The following PRKN variants were observed in gnomAD, a reference collection of about 807,000 sequenced individuals.
PRKN encodes the protein E3 ubiquitin-protein ligase parkin.
In PRKN, 56 loss-of-function variants were observed where a neutral mutation model predicts 59.5. The ratio of observed to expected loss-of-function variants is 0.94; its 90% CI spans 0.76 to 1.18. The LOEUF is 1.18. Ranked by LOEUF, PRKN falls within the 50% of genes most tolerant of loss-of-function variation. The pLI is 0.00. For missense variants in PRKN, 657 were observed against 596.4 expected (o/e 1.10, Z -1.06); for synonymous variants, 250 against 222.1 (o/e 1.13, Z -1.12).
intron 1 of PRKN, among the ~76,000 whole-genome samples, chr6:162,495,046 T>C (rs1426784320): frequency 1.3e-5 from 2 of 152,152 alleles, no homozygotes; most frequent in Non-Finnish European, 2.9e-5. Context: ...ATCATTTTAA[T>C]GGTGGAGTTT....
intron 6 of PRKN, among the ~76,000 whole-genome samples, chr6:161,906,682 A>ATATATATATATATATATATATATATATT (rs1562381695): frequency 4.8e-5 from 7 of 147,078 alleles, no homozygotes; most frequent in Admixed American, 1.3e-4. Flanking sequence ...ATATGTATAT[A>ATATATATATATATATATATATATATATT]TGAGTTTATT....
At chr6:162,578,356 T>C (rs1409383213) in intron 1 of PRKN, among the ~76,000 whole-genome samples, 1 of 152,218 alleles carries the variant, frequency 6.6e-6, no homozygotes, top group Non-Finnish European at 1.5e-5. Flanking sequence ...TGTGCATATA[T>C]GCGCATGCCT....
chr6:162,449,977 C>T (rs74444280), intron 1 of PRKN, among the ~76,000 whole-genome samples: 18,097 of 152,216 alleles, frequency 0.12, 1,132 homozygotes, highest in African/African-American at 0.14. Flanking sequence ...CAGGTGCAGT[C>T]CGTGCACATG....
rs574342400 is a variant in PRKN at position 161,919,464 on chromosome 6, C to T, written c.734+53838G>A. On this transcript the variant is annotated intron_variant, in intron 6 of 11. Coordinates refer to ENST00000366898, the MANE Select transcript of PRKN (RefSeq NM_004562.3). ...ATTATAAATGTGTATTAGAAATGATCGAACTGGACATATACCTGGAGGATT... is the reference window on the plus strand; with the variant it reads ...ATTATAAATGTGTATTAGAAATGATTGAACTGGACATATACCTGGAGGATT... 2.6e-5 allele frequency among the ~76,000 whole-genome samples: 4 copies of T among 152,216 alleles called. No homozygotes were observed. The South Asian group carries it at 6.2e-4, about 24-fold the overall frequency.
chr6:162,346,590 T>TA (rs1489328467), intron 2 of PRKN, among the ~76,000 whole-genome samples: 3 of 152,052 alleles, frequency 2.0e-5, no homozygotes, highest in Non-Finnish European at 4.4e-5. Flanking sequence ...CACTGTACTC[T>TA]AGCCTGGGTG....
At chr6:161,837,942 C>G (rs1792830008) in intron 6 of PRKN, among the ~76,000 whole-genome samples, 1 of 152,088 alleles carries the variant, frequency 6.6e-6, no homozygotes, top group Non-Finnish European at 1.5e-5. Context: ...GCTGCTGAAT[C>G]ATAGGAAGGA....
At chr6:161,919,113 C>T (rs1004256256) in intron 6 of PRKN, among the ~76,000 whole-genome samples, 3 of 152,266 alleles carry the variant, frequency 2.0e-5, no homozygotes, top group Non-Finnish European at 2.9e-5. Context: ...ACAATAACAA[C>T]GCAAATGTCC....
intron 7 of PRKN, among the ~76,000 whole-genome samples, chr6:161,657,426 A>G (rs1784389013): frequency 6.6e-6 from 1 of 152,048 alleles, no homozygotes; most frequent in Admixed American, 6.5e-5. Flanking sequence ...CCTGCTCCAC[A>G]TCTCTGGAAG....
intron 1 of PRKN, among the ~76,000 whole-genome samples, chr6:162,546,159 A>C (rs1779110815): frequency 7.4e-6 from 1 of 134,762 alleles, no homozygotes; most frequent in Non-Finnish European, 1.5e-5. Flanking sequence ...GCTGGAGTGC[A>C]GTGGCGTGAT....
intron 4 of PRKN, among the ~76,000 whole-genome samples, chr6:162,061,798 T>TA (rs1778117027): frequency 6.6e-6 from 1 of 152,282 alleles, no homozygotes; most frequent in Middle Eastern, 3.4e-3. Flanking sequence ...ACTGCAGTTA[T>TA]AAAAAAGGGA....
chr6:162,331,061 G>C (rs1783549287), intron 2 of PRKN, among the ~76,000 whole-genome samples: 2 of 152,016 alleles, frequency 1.3e-5, no homozygotes, highest in South Asian at 4.1e-4. Flanking sequence ...GGGCACACTG[G>C]CTCACACCTG....
intron 4 of PRKN, among the ~76,000 whole-genome samples, chr6:162,168,257 T>A (rs1783078979): frequency 6.6e-6 from 1 of 152,178 alleles, no homozygotes; most frequent in Admixed American, 6.5e-5. Flanking sequence ...AAGCAAGTGA[T>A]AATGCTTTAT....
At chr6:161,494,159 G>T (rs567497601) in intron 9 of PRKN, among the ~76,000 whole-genome samples, 2 of 152,074 alleles carry the variant, frequency 1.3e-5, no homozygotes, top group South Asian at 4.2e-4. Context: ...TAATTATTTG[G>T]CAGCTTTTAA....
Position 161,399,902 on chromosome 6 carries a change from A to G in PRKN, c.1084-13025T>C, listed in dbSNP as rs1354917100. 6.6e-6 allele frequency among the ~76,000 whole-genome samples: 1 copy of G among 152,220 alleles called. No individual in the cohort carries two copies. The highest frequency in any genetic ancestry group is 1.5e-5 in the Non-Finnish European group (1 of 68,026). On this transcript the variant is annotated intron_variant, in intron 9 of 11. Coordinates refer to ENST00000366898, the MANE Select transcript of PRKN (RefSeq NM_004562.3). This position sits in a 1 kb window ranked among gnomAD's most constrained non-coding sequence, Gnocchi z 4.4. ...AAAGAAACAAGTAAAATTAATTTCAATATTTTACTTAACTAAATATATTCA... is the reference window on the plus strand; with the variant it reads ...AAAGAAACAAGTAAAATTAATTTCAGTATTTTACTTAACTAAATATATTCA...
At chr6:161,986,488 G>C (rs1455759077) in intron 5 of PRKN, among the ~76,000 whole-genome samples, 10 of 66,316 alleles carry the variant, frequency 1.5e-4, no homozygotes, top group Admixed American at 2.6e-4. Flanking sequence ...AGTCTGCAGT[G>C]TCCTTTTTTT....
Position 161,390,532 on chromosome 6 carries a change from A to G in PRKN, c.1084-3655T>C, listed in dbSNP as rs932795492. Among the ~76,000 whole-genome samples, 1 of 152,208 alleles carries G rather than the reference A, an allele frequency of 6.6e-6. No homozygotes were observed. Among genetic ancestry groups the G allele is most frequent in the Non-Finnish European group, 1.5e-5 (1 of 68,044 alleles). ...GAGACAGAGTCTTGCTCTGTTGCCC[A>G]GGCTGGAGTGCAGTGGCACCATCTC... On this transcript the variant is annotated intron_variant, in intron 9 of 11. Transcript: ENST00000366898. This position sits in a 1 kb window ranked among gnomAD's most constrained non-coding sequence, Gnocchi z 7.0.
At chr6:161,651,947 T>C (rs1453707776) in intron 7 of PRKN, among the ~76,000 whole-genome samples, 1 of 152,248 alleles carries the variant, frequency 6.6e-6, no homozygotes, top group Non-Finnish European at 1.5e-5. Flanking sequence ...AAAACATTCA[T>C]CACTGAGCAT....
intron 4 of PRKN, among the ~76,000 whole-genome samples, chr6:162,055,628 T>C (rs1562486578): frequency 6.6e-6 from 1 of 152,026 alleles, no homozygotes; most frequent in Non-Finnish European, 1.5e-5. Flanking sequence ...CTGGAGGGGA[T>C]TGACAGAGCT....
At chr6:162,633,237 C>A (rs1777581059) in intron 1 of PRKN, among the ~76,000 whole-genome samples, 1 of 151,426 alleles carries the variant, frequency 6.6e-6, no homozygotes, top group South Asian at 2.1e-4. Context: ...AGTTCGAGAC[C>A]AGCCTGGCCG....
Sources: gnomAD v4.1 joint callset for allele counts (sites outside exome capture counted in the v4.1 genomes callset) on GRCh38, gnomAD v4.1.1 for gene constraint, Gnocchi (gnomAD v3.1) non-coding constraint, MANE v1.5 for transcripts, NCBI Gene and HGNC (gene_info 2026-07-23, HGNC 2026-07-21) for gene names.